Variants in ADK observed in about 807,000 individuals in gnomAD.
ADK encodes N6,N6-dimethyladenosine kinase.
A neutral mutation model predicts 44.7 loss-of-function variants in ADK; 24 were observed. The observed-to-expected ratio is 0.54, with a 90% CI of 0.39 to 0.76. The LOEUF is 0.76. Ranked by LOEUF, ADK falls within the 30% of genes least tolerant of loss-of-function variation. The pLI, the probability that ADK is intolerant of heterozygous loss-of-function variation, is 0.00. For missense variants in ADK, 321 were observed against 425.1 expected (o/e 0.76, Z 2.15); for synonymous variants, 128 against 142.6 (o/e 0.90, Z 0.73).
intron 8 of ADK, among the ~76,000 whole-genome samples, chr10:74,597,848 T>C (rs1430698825): frequency 2.0e-5 from 3 of 152,226 alleles, no homozygotes; most frequent in Admixed American, 2.0e-4. Flanking sequence ...GGAAACATTC[T>C]ATTTTATCCA....
intron 1 of ADK, among the ~76,000 whole-genome samples, chr10:74,177,945 A>ATTTTTT (rs1158811749): frequency 0.04 from 4,366 of 108,902 alleles, 137 homozygotes; most frequent in Non-Finnish European, 0.057. Context: ...ATATATATAT[A>ATTTTTT]TTTTTTTTTT....
intron 7 of ADK, among the ~76,000 whole-genome samples, chr10:74,541,455 G>A (rs774043600): frequency 6.6e-6 from 1 of 151,932 alleles, no homozygotes; most frequent in African/African-American, 2.4e-5. Flanking sequence ...CATTTCCTTC[G>A]TCTCTTTAAT....
intron 6 of ADK, among the ~76,000 whole-genome samples, chr10:74,422,624 C>T (rs1043167987): frequency 6.6e-6 from 1 of 152,044 alleles, no homozygotes; most frequent in Admixed American, 6.5e-5. Context: ...TCTAAGTTCC[C>T]AAATATAAAA....
At chr10:74,475,289 C>T (rs1846786495) in intron 6 of ADK, among the ~76,000 whole-genome samples, 1 of 152,148 alleles carries the variant, frequency 6.6e-6, no homozygotes. Flanking sequence ...AGAGCTTTGT[C>T]ACATTGGCTT....
At chr10:74,465,865 T>C (rs1206349081) in intron 6 of ADK, among the ~76,000 whole-genome samples, 1 of 152,114 alleles carries the variant, frequency 6.6e-6, no homozygotes, top group East Asian at 1.9e-4. Flanking sequence ...AAGTGATAGG[T>C]TTTACTAATT....
chr10:74,631,090 G>A (rs1853400476), intron 9 of ADK, among the ~76,000 whole-genome samples: 2 of 151,554 alleles, frequency 1.3e-5, no homozygotes, highest in Admixed American at 6.6e-5. Flanking sequence ...TACATTCTGC[G>A]ACCACAAGAT....
chr10:74,591,341 G>A (rs927962181), intron 8 of ADK, among the ~76,000 whole-genome samples: 1 of 152,154 alleles, frequency 6.6e-6, no homozygotes, highest in African/African-American at 2.4e-5. Flanking sequence ...TCCTGACATA[G>A]CAAAACTGCT....
chr10:74,345,328 G>C (rs1841728742), intron 4 of ADK, among the ~76,000 whole-genome samples: 1 of 151,232 alleles, frequency 6.6e-6, no homozygotes, highest in Admixed American at 6.6e-5. Context: ...TCCCAGACAG[G>C]GTCTTGCTTT....
At chr10:74,503,579 T>C (rs547123990) in intron 6 of ADK, among the ~76,000 whole-genome samples, 2 of 152,298 alleles carry the variant, frequency 1.3e-5, no homozygotes, top group East Asian at 3.9e-4. Context: ...AAGGATGACA[T>C]AGTTCCAGGA....
In ADK at chr10:74,503,449, A is replaced by G. The variant is rs147632136; in HGVS notation, c.556-21807A>G. 2.5e-3 allele frequency among the ~76,000 whole-genome samples: 386 copies of G among 152,286 alleles called. 2 individuals are homozygous for G. Among genetic ancestry groups the G allele is most frequent in the African/African-American group, 8.9e-3 (370 of 41,562 alleles). On this transcript the variant is annotated intron_variant, in intron 6 of 10. Coordinates refer to ENST00000539909, the MANE Select transcript of ADK (RefSeq NM_006721.4). ...TGCCACTTCAGGAACTTGAGCTACT[A>G]TTGTTTAGGAAATGAGTCATTTAAG...
chr10:74,217,166 G>A (rs908984541), intron 2 of ADK, among the ~76,000 whole-genome samples: 42 of 152,344 alleles, frequency 2.8e-4, no homozygotes, highest in African/African-American at 9.6e-4. Context: ...ATTCCCACCC[G>A]AATACTGCAC....
chr10:74,240,796 A>G (rs1845178642), intron 3 of ADK, among the ~76,000 whole-genome samples: 2 of 152,176 alleles, frequency 1.3e-5, no homozygotes, highest in Non-Finnish European at 2.9e-5. Context: ...ATGCATTTTC[A>G]TGTTTTGTCT....
intron 7 of ADK, among the ~76,000 whole-genome samples, chr10:74,583,324 G>A (rs1851430320): frequency 1.3e-5 from 2 of 151,482 alleles, no homozygotes; most frequent in African/African-American, 4.9e-5. Context: ...GAGGATTCTA[G>A]CACTATTTAA....
intron 6 of ADK, among the ~76,000 whole-genome samples, chr10:74,524,227 A>G (rs902443473): frequency 5.3e-5 from 8 of 152,376 alleles, no homozygotes; most frequent in Non-Finnish European, 8.8e-5. Context: ...TTTTAAATGC[A>G]GCTTTCCTGA....
Position 74,708,883 on chromosome 10 carries a change from ATG to A in ADK, c.*444_*445del, listed in dbSNP as rs1287613406. ...ACAAATATATTTAATTTAGGAGTAT[ATG>A]TGTGTCTATACACACACATACATAA... On this transcript the variant is annotated 3_prime_UTR_variant, in exon 11 of 11. Coordinates refer to ENST00000539909, the MANE Select transcript of ADK (RefSeq NM_006721.4). 1 of 202,868 alleles carries A rather than the reference ATG, an allele frequency of 4.9e-6. No homozygotes were observed. The highest frequency in any genetic ancestry group is 2.4e-5 in the African/African-American group (1 of 41,880). 12.6% of individuals were successfully genotyped at this position (202,868 alleles called of 1,614,324 possible). A position where few individuals can be genotyped will look rare whatever the true frequency, so the allele number is the denominator to read the frequency against.
chr10:74,444,698 C>A (rs1033747138), intron 6 of ADK, among the ~76,000 whole-genome samples: 3 of 151,916 alleles, frequency 2.0e-5, no homozygotes, highest in Non-Finnish European at 4.4e-5. Context: ...AAAGCCATTT[C>A]TTTTTATTTC....
chr10:74,182,029 TGGGTG>T (rs1842578219), intron 1 of ADK, among the ~76,000 whole-genome samples: 1 of 152,120 alleles, frequency 6.6e-6, no homozygotes, highest in South Asian at 2.1e-4. Context: ...ATGTGGGCAG[TGGGTG>T]GGGTCGTGGG....
chr10:74,586,165 G>C (rs189306264), intron 7 of ADK, among the ~76,000 whole-genome samples: 7 of 152,294 alleles, frequency 4.6e-5, no homozygotes, highest in Admixed American at 3.9e-4. Context: ...AACACCTTCA[G>C]ATCAGAGGTT....
At chr10:74,593,882 A>G (rs530269642) in intron 8 of ADK, among the ~76,000 whole-genome samples, 2 of 152,258 alleles carry the variant, frequency 1.3e-5, no homozygotes, top group Admixed American at 6.5e-5. Context: ...AGCCTTTGCT[A>G]TTGTGAATAG....
Sources: gnomAD v4.1 joint callset for allele counts (sites outside exome capture counted in the v4.1 genomes callset) on GRCh38, gnomAD v4.1.1 for gene constraint, MANE v1.5 for transcripts, NCBI Gene and HGNC (gene_info 2026-07-23, HGNC 2026-07-21) for gene names.